Variants in GPR39 observed in about 807,000 individuals in gnomAD.
GPR39 encodes zinc sensing receptor.
Under a neutral mutation model 18.4 loss-of-function variants are expected in GPR39, and 23 were observed. The ratio of observed to expected loss-of-function variants is 1.25; its 90% CI spans 0.90 to 1.77. GPR39 has a LOEUF of 1.77. GPR39 is among the 40% of genes most tolerant of loss of function. The probability of loss-of-function intolerance (pLI) is 0.00; values close to 1 mark genes in which losing one functional copy is unlikely to be tolerated. For missense variants in GPR39, 647 were observed against 602.4 expected (o/e 1.07, Z -0.78); for synonymous variants, 280 against 257.9 (o/e 1.09, Z -0.82).
intron 1 of GPR39, among the ~76,000 whole-genome samples, chr2:132,590,681 A>G (rs530639491): frequency 6.6e-6 from 1 of 151,710 alleles, no homozygotes; most frequent in Admixed American, 6.6e-5. Context: ...ACTGTTCCTC[A>G]TCCTTACTGT....
chr2:132,449,835 C>T (rs942085238), intron 1 of GPR39, among the ~76,000 whole-genome samples: 2 of 152,132 alleles, frequency 1.3e-5, no homozygotes, highest in Non-Finnish European at 2.9e-5. Context: ...TCTCTCTTCT[C>T]TTATAGGCCC....
chr2:132,622,023 A>G (rs568854533), intron 1 of GPR39, among the ~76,000 whole-genome samples: 42 of 152,308 alleles, frequency 2.8e-4, no homozygotes, highest in Non-Finnish European at 5.0e-4. Flanking sequence ...CTCCTGCCCC[A>G]GAGGGTACTC....
chr2:132,579,035 C>A (rs763540001), intron 1 of GPR39, among the ~76,000 whole-genome samples: 42 of 150,760 alleles, frequency 2.8e-4, no homozygotes, highest in Non-Finnish European at 3.1e-4. Context: ...TTTTTAAGTT[C>A]TTGAGGGTGG....
intron 1 of GPR39, among the ~76,000 whole-genome samples, chr2:132,599,023 G>T (rs181060920): frequency 2.6e-5 from 4 of 152,154 alleles, no homozygotes; most frequent in Admixed American, 6.5e-5. Context: ...AGGCAGGAAG[G>T]GGGTGGAGGT....
intron 1 of GPR39, among the ~76,000 whole-genome samples, chr2:132,432,216 A>T (rs1208097589): frequency 6.6e-6 from 1 of 152,218 alleles, no homozygotes; most frequent in African/African-American, 2.4e-5. Flanking sequence ...AGGTATTAGC[A>T]GATTTGGTGT....
intron 1 of GPR39, among the ~76,000 whole-genome samples, chr2:132,496,095 T>G (rs1299302489): frequency 6.6e-6 from 1 of 152,182 alleles, no homozygotes; most frequent in Non-Finnish European, 1.5e-5. Context: ...GAAACCAGTC[T>G]CCCTTCCAGA....
intron 1 of GPR39, among the ~76,000 whole-genome samples, chr2:132,454,486 C>T (rs1346494487): frequency 6.6e-6 from 1 of 152,116 alleles, no homozygotes; most frequent in Non-Finnish European, 1.5e-5. Context: ...TTTCTCTTGC[C>T]TGATTGCCCT....
intron 1 of GPR39, among the ~76,000 whole-genome samples, chr2:132,589,162 G>A (rs6712250): frequency 0.34 from 52,093 of 152,040 alleles, 10,092 homozygotes; most frequent in African/African-American, 0.54. Context: ...GCAAAGAATC[G>A]TGGGACCCAT....
At chr2:132,436,785 T>C (rs1187597260) in intron 1 of GPR39, among the ~76,000 whole-genome samples, 1 of 152,204 alleles carries the variant, frequency 6.6e-6, no homozygotes, top group Non-Finnish European at 1.5e-5. Flanking sequence ...GGTCCATCTC[T>C]CTCTGCCTCA....
chr2:132,449,644 A>G (rs1051940361), intron 1 of GPR39, among the ~76,000 whole-genome samples: 3 of 152,108 alleles, frequency 2.0e-5, no homozygotes, highest in African/African-American at 7.2e-5. Flanking sequence ...TTCACTTTTC[A>G]AAAACATTCC....
intron 1 of GPR39, among the ~76,000 whole-genome samples, chr2:132,589,574 A>G (rs904497711): frequency 1.3e-5 from 2 of 152,206 alleles, no homozygotes; most frequent in African/African-American, 4.8e-5. Context: ...ACTCGGGCAC[A>G]TTAGAGAGCG....
chr2:132,619,927 C>G (rs540106163), intron 1 of GPR39, among the ~76,000 whole-genome samples: 1 of 152,112 alleles, frequency 6.6e-6, no homozygotes, highest in South Asian at 2.1e-4. Flanking sequence ...GCCTCCCAAA[C>G]CTGCCCTAGC....
At chr2:132,514,825 C>G (rs920739271) in intron 1 of GPR39, among the ~76,000 whole-genome samples, 1 of 152,154 alleles carries the variant, frequency 6.6e-6, no homozygotes, top group South Asian at 2.1e-4. Context: ...TTTTAAAAAG[C>G]CTATTTTGGT....
chr2:132,554,004 C>A (rs535042543), intron 1 of GPR39, among the ~76,000 whole-genome samples: 2 of 152,296 alleles, frequency 1.3e-5, no homozygotes, highest in East Asian at 3.9e-4. Context: ...AGGCAACAGA[C>A]CCCATGGAGA....
chr2:132,576,050 C>T (rs1447674116), intron 1 of GPR39, among the ~76,000 whole-genome samples: 3 of 152,164 alleles, frequency 2.0e-5, no homozygotes, highest in Non-Finnish European at 4.4e-5. Context: ...TCTCCAGAAC[C>T]TTAAGAAATA....
At chr2:132,530,692 T>C (rs1459801736) in intron 1 of GPR39, among the ~76,000 whole-genome samples, 2 of 152,200 alleles carry the variant, frequency 1.3e-5, no homozygotes, top group South Asian at 2.1e-4. Context: ...GAGTGGGGGC[T>C]CATATTCAAC....
chr2:132,455,763 T>G (rs541079919), intron 1 of GPR39, among the ~76,000 whole-genome samples: 1 of 152,332 alleles, frequency 6.6e-6, no homozygotes, highest in Non-Finnish European at 1.5e-5. Flanking sequence ...AGGAGCAGGT[T>G]GTTCAGTTTC....
intron 1 of GPR39, among the ~76,000 whole-genome samples, chr2:132,598,713 G>T (rs34958146): frequency 0.27 from 41,105 of 151,738 alleles, 6,344 homozygotes; most frequent in East Asian, 0.7. Flanking sequence ...TTCTACAGAA[G>T]CTCTGAATTC....
At chr2:132,574,767 G>A (rs1680501627) in intron 1 of GPR39, among the ~76,000 whole-genome samples, 1 of 152,166 alleles carries the variant, frequency 6.6e-6, no homozygotes, top group Non-Finnish European at 1.5e-5. Flanking sequence ...TATTCTATTA[G>A]AGTTACTGTT....
Sources: gnomAD v4.1 joint callset for allele counts (sites outside exome capture counted in the v4.1 genomes callset) on GRCh38, gnomAD v4.1.1 for gene constraint, MANE v1.5 for transcripts, NCBI Gene and HGNC (gene_info 2026-07-23, HGNC 2026-07-21) for gene names.